SORT1: variants seen among roughly 807,000 people sequenced by gnomAD.
SORT1 encodes sortilin.
Under a neutral mutation model 101.7 loss-of-function variants are expected in SORT1, and 39 were observed. The observed-to-expected ratio is 0.38, with a 90% CI of 0.30 to 0.50. The LOEUF (loss-of-function observed/expected upper bound fraction) is 0.50, where lower values mean the gene tolerates loss of function less well. SORT1 is among the 20% of genes least tolerant of loss of function. The pLI is 0.90. For missense variants in SORT1, 878 were observed against 1,040.4 expected, an observed-to-expected ratio of 0.84 and a Z score of 2.15; for synonymous variants, 396 against 393.7, an observed-to-expected ratio of 1.01 and a Z score of -0.07.
chr1:109,340,146 C>CAAAAAAAAAAA (rs34790280), intron 10 of SORT1, among the ~76,000 whole-genome samples: 9 of 96,274 alleles, frequency 9.3e-5, no homozygotes, highest in Admixed American at 1.2e-4. Context: ...GATTCCATCT[C>CAAAAAAAAAAA]AAAAAAAAAA....
chr1:109,314,916 C>A (rs1658941898), intron 17 of SORT1, 138 bp from the exon 18 acceptor site: 2 of 560,174 alleles, frequency 3.6e-6, no homozygotes, highest in Admixed American at 2.7e-5. Flanking sequence ...TCTTTTCCAA[C>A]CCCCCAAGAT....
At chr1:109,330,394 C>A (rs1570905817) in intron 11 of SORT1, among the ~76,000 whole-genome samples, 1 of 143,422 alleles carries the variant, frequency 7.0e-6, no homozygotes. Context: ...TATTCTTGAA[C>A]AACCAATGAG....
intron 6 of SORT1, among the ~76,000 whole-genome samples, chr1:109,348,962 T>G (rs1440278350): frequency 6.6e-6 from 1 of 151,454 alleles, no homozygotes; most frequent in Non-Finnish European, 1.5e-5. Context: ...GAGCCAGGCC[T>G]TATCTTAAAA....
rs1406778533 is a variant in SORT1 at position 109,323,062 on chromosome 1, C to T, written c.1894G>A (p.Asp632Asn). 6.2e-7 allele frequency: 1 copy of T among 1,614,190 alleles called. No homozygotes were observed. Among genetic ancestry groups the T allele is most frequent in the Non-Finnish European group, 8.5e-7 (1 of 1,180,008 alleles). ...TCTTTGTAGCCCAAAATGCAGCCAT[C>T]TTCATAATCTTCAGGGTCTGTGGAG... The part of the protein sequence containing the change: ...AHSTDPEDYE[D>N]GCILGYKEQF... The change falls in exon 15 of 20, where the codon GAT becomes AAT. Residue 632 changes from aspartate to asparagine, a missense_variant. Around this residue, in one of 2 missense-constraint regions of SORT1, gnomAD observed 684 missense variants for 894.5 expected, o/e 0.76. Transcript: ENST00000256637.
At chr1:109,374,267 A>T (rs925623568) in intron 1 of SORT1, among the ~76,000 whole-genome samples, 7 of 151,962 alleles carry the variant, frequency 4.6e-5, no homozygotes, top group Non-Finnish European at 7.4e-5. Flanking sequence ...AAGAAAAAAA[A>T]TTTTTTTAAA....
intron 13 of SORT1, 139 bp from the exon 14 acceptor site, chr1:109,325,228 T>C (rs1647910444): frequency 2.2e-6 from 1 of 452,014 alleles, no homozygotes; most frequent in South Asian, 4.9e-5. Flanking sequence ...ACAATTATTT[T>C]AACTTTTTTT....
intron 15 of SORT1, among the ~76,000 whole-genome samples, chr1:109,321,489 C>T (rs1647623031): frequency 6.6e-6 from 1 of 152,162 alleles, no homozygotes; most frequent in Non-Finnish European, 1.5e-5. Flanking sequence ...GAACCCTTTA[C>T]AGTGTTACAG....
chr1:109,327,504 G>C lies in SORT1; in HGVS notation c.1469C>G (p.Ala490Gly), dbSNP rs760763318. ...GTGAGTGGGAGGTTCCTTACCATGAGCAATGACAATGCCTACGGCATTCGG... is the reference window on the plus strand; with the variant it reads ...GTGAGTGGGAGGTTCCTTACCATGACCAATGACAATGCCTACGGCATTCGG... Reference protein sequence around the residue: ...SEPNAVGIVIAHGSVGDAISV... With the variant: ...SEPNAVGIVIGHGSVGDAISV... Residue 490 changes from alanine (A) to glycine (G), a missense_variant, in exon 12 of 20, where the codon GCT (alanine) becomes GGT (glycine). Physicochemically the swap from Ala to Gly is moderately conservative, Grantham distance 60. Around this residue, in one of 2 missense-constraint regions of SORT1, gnomAD observed 684 missense variants for 894.5 expected, o/e 0.76. Transcript: ENST00000256637. 1.2e-5 allele frequency: 19 copies of C among 1,596,442 alleles called. No homozygotes were observed. In the East Asian group the frequency reaches 4.3e-4, roughly 36 times the overall value.
intron 14 of SORT1, 144 bp downstream of exon 14, chr1:109,324,755 A>C: frequency 3.5e-6 from 2 of 576,064 alleles, no homozygotes; most frequent in South Asian, 5.8e-5. Flanking sequence ...TCCATTACTT[A>C]ATCACCCACA....
chr1:109,312,377 T>C lies in SORT1; in HGVS notation c.*1666A>G, dbSNP rs1373146786. On this transcript the variant is annotated 3_prime_UTR_variant, in exon 20 of 20. Coordinates refer to ENST00000256637, the MANE Select transcript of SORT1 (RefSeq NM_002959.7). Reference sequence around the variant, plus strand: ...TGAAGCTCCCTGACTCATTTCATTCTACTGCAGTTTTAACATCTCTAAAAG... The same window carrying C: ...TGAAGCTCCCTGACTCATTTCATTCCACTGCAGTTTTAACATCTCTAAAAG... 6.6e-6 allele frequency: 1 copy of C among 152,618 alleles called. No individual in the cohort carries two copies. The highest frequency in any genetic ancestry group is 1.5e-5 in the Non-Finnish European group (1 of 68,026). 9.5% of individuals were successfully genotyped at this position (152,618 alleles called of 1,614,324 possible). A position where few individuals can be genotyped will look rare whatever the true frequency, so the allele number is the denominator to read the frequency against.
intron 2 of SORT1, among the ~76,000 whole-genome samples, chr1:109,368,293 CAAAA>C (rs35637507): frequency 6.7e-5 from 4 of 59,436 alleles, no homozygotes; most frequent in Non-Finnish European, 9.9e-5. Context: ...GACTCTGTCT[CAAAA>C]AAAAAAAAAA....
intron 8 of SORT1, among the ~76,000 whole-genome samples, chr1:109,344,308 C>T (rs1347375073): frequency 6.6e-6 from 1 of 152,194 alleles, no homozygotes; most frequent in Non-Finnish European, 1.5e-5. Context: ...CAAATCTCAG[C>T]ATTCCCCTGC....
rs537539848 is a variant in SORT1, at chr1:109,369,674, T to C, written c.307-85A>G. The C allele has an allele frequency of 8.7e-5, 78 of 895,954 alleles. No individual in the cohort carries two copies. The African/African-American group carries it at 1.1e-3, about 13-fold the overall frequency. 55.5% of individuals were successfully genotyped at this position (895,954 alleles called of 1,614,324 possible). A position where few individuals can be genotyped will look rare whatever the true frequency, so the allele number is the denominator to read the frequency against. ...TCTTTAAATATCTGAACTTTATTAC[T>C]GTTCAGAGTAATTAAGTTCATAATT... is the stretch of plus-strand genomic sequence containing the variant. On this transcript the variant is annotated intron_variant, in intron 1 of 19. Coordinates refer to ENST00000256637, the MANE Select transcript of SORT1 (RefSeq NM_002959.7).
Position 109,313,943 on chromosome 1 carries a change from C to T in SORT1, c.*100G>A. The T allele has an allele frequency of 1.7e-6, 2 of 1,153,072 alleles. No homozygotes were observed. Among genetic ancestry groups the T allele is most frequent in the Non-Finnish European group, 1.3e-6 (1 of 786,068 alleles). 71.4% of individuals were successfully genotyped at this position (1,153,072 alleles called of 1,614,324 possible). On this transcript the variant is annotated 3_prime_UTR_variant, in exon 20 of 20. Coordinates refer to ENST00000256637, the MANE Select transcript of SORT1 (RefSeq NM_002959.7). ...GGAAGCAGCAGAAACAGAGCTGGGTCCCTCGCAATGGGAAATTTATTTCCT... is the reference window on the plus strand; with the variant it reads ...GGAAGCAGCAGAAACAGAGCTGGGTTCCTCGCAATGGGAAATTTATTTCCT...
chr1:109,395,960 A>T (rs887271138), intron 1 of SORT1, among the ~76,000 whole-genome samples: 3 of 152,030 alleles, frequency 2.0e-5, no homozygotes, highest in Non-Finnish European at 4.4e-5. Flanking sequence ...TGCATGTACC[A>T]GTAGTCCCGG....
At chr1:109,367,098 G>C (rs568752952) in intron 3 of SORT1, 1 of 224,208 alleles carries the variant, frequency 4.5e-6, no homozygotes, top group Non-Finnish European at 8.7e-6. Context: ...ATGGTAGCGT[G>C]TGCCTGCAGT....
At chr1:109,351,561 A>G (rs1041782924) in intron 5 of SORT1, among the ~76,000 whole-genome samples, 3 of 152,234 alleles carry the variant, frequency 2.0e-5, no homozygotes, top group Non-Finnish European at 4.4e-5. Flanking sequence ...GGGAGCTAAA[A>G]GCCATCAGGC....
chr1:109,395,283 C>T (rs1416093371), intron 1 of SORT1, among the ~76,000 whole-genome samples: 1 of 128,744 alleles, frequency 7.8e-6, no homozygotes, highest in African/African-American at 3.1e-5. Context: ...TACAACGGTG[C>T]GATCTCGGCT....
At chr1:109,330,054 T>C (rs1177002770) in intron 11 of SORT1, among the ~76,000 whole-genome samples, 5 of 152,156 alleles carry the variant, frequency 3.3e-5, no homozygotes, top group African/African-American at 4.8e-5. Flanking sequence ...TGGGCTGGAG[T>C]GCAGTGGCGT....
Sources: allele counts gnomAD v4.1 joint callset (sites outside exome capture counted in the v4.1 genomes callset), GRCh38; gene constraint gnomAD v4.1.1; regional missense constraint gnomAD v4.1.1; transcripts MANE v1.5; gene names NCBI Gene and HGNC (gene_info 2026-07-23, HGNC 2026-07-21).